The following PCNX1 variants were observed in gnomAD, a reference collection of about 807,000 sequenced individuals.
PCNX1 encodes the protein pecanex-like protein 1.
PCNX1 carries 78 observed loss-of-function variants against 242.2 expected under a neutral mutation model. The observed-to-expected ratio is 0.32, with a 90% CI of 0.27 to 0.39. The LOEUF (loss-of-function observed/expected upper bound fraction) is 0.39. Ranked by LOEUF, PCNX1 falls within the 10% of genes least tolerant of loss-of-function variation. PCNX1 has a pLI of 1.00. For synonymous variants in PCNX1, 1,024 were observed against 1,032.9 expected, an observed-to-expected ratio of 0.99 and a Z score of 0.17; for missense variants, 2,581 against 2,856.5, an observed-to-expected ratio of 0.90 and a Z score of 2.20.
chr14:71,051,051 C>T (rs2061013915), intron 23 of PCNX1, among the ~76,000 whole-genome samples: 1 of 151,550 alleles, frequency 6.6e-6, no homozygotes, highest in South Asian at 2.1e-4. Context: ...GCCTGTAATC[C>T]CAGCTACCCG....
Position 70,911,926 on chromosome 14 carries a change from T to C in PCNX1, c.153+3923T>C, listed in dbSNP as rs10150003. On this transcript the variant is annotated intron_variant, in intron 1 of 35. Transcript: ENST00000304743. The stretch of plus-strand genomic sequence containing the variant: ...TATATTGTTTTCCTCTGTAAAGCAA[T>C]ATATCCCTAGGTGATGAAATAGAAC... Among the ~76,000 whole-genome samples, 1,274 of 152,248 alleles carry C rather than the reference T, an allele frequency of 8.4e-3. 10 individuals are homozygous for C. Among genetic ancestry groups the C allele is most frequent in the African/African-American group, 0.029 (1,200 of 41,534 alleles).
chr14:71,071,771 G>A (rs2061592412), intron 26 of PCNX1, among the ~76,000 whole-genome samples: 1 of 152,126 alleles, frequency 6.6e-6, no homozygotes, highest in Non-Finnish European at 1.5e-5. Flanking sequence ...CTTTTGACAT[G>A]CCTTCCTCAC....
intron 26 of PCNX1, among the ~76,000 whole-genome samples, chr14:71,065,313 A>G (rs139893474): frequency 6.6e-6 from 1 of 152,306 alleles, no homozygotes; most frequent in East Asian, 1.9e-4. Context: ...TCGCCATTGT[A>G]ACTGGCTTGA....
At chr14:71,007,130 A>G (rs12435253) in intron 8 of PCNX1, among the ~76,000 whole-genome samples, 24,105 of 152,050 alleles carry the variant, frequency 0.16, 2,318 homozygotes, top group African/African-American at 0.26. Context: ...AGAATCATTC[A>G]GAGTTGTAAA....
rs1304713246 is a variant in PCNX1, at chr14:70,910,271, A to AT, written c.153+2270dup. Among the ~76,000 whole-genome samples the AT allele has an allele frequency of 2.8e-5, 3 of 106,208 alleles. No homozygotes were observed. The East Asian group carries it at 8.0e-4, about 28-fold the overall frequency. 69.7% of individuals were successfully genotyped at this position (106,208 alleles called of 152,430 possible). ...TCATCACGGCCATCAGGCCATCATC[A>AT]TTCCCTTGGTTCGTCACCATTCTCT... On this transcript the variant is annotated intron_variant, in intron 1 of 35. Coordinates refer to ENST00000304743, the MANE Select transcript of PCNX1 (RefSeq NM_014982.3).
intron 26 of PCNX1, among the ~76,000 whole-genome samples, chr14:71,071,400 C>G (rs1369955305): frequency 1.3e-5 from 2 of 152,096 alleles, no homozygotes; most frequent in Non-Finnish European, 2.9e-5. Flanking sequence ...GGATTTGTGT[C>G]CCTGCCCAAA....
At position 71,101,338 on chromosome 14, in the gene PCNX1, A is replaced by G. The variant is rs10142779; in HGVS notation, c.5590-652A>G. ...TTTGTAATAGGGAGATACATTTCAT[A>G]TCTTCTTTGTTTTATCCATGCTGCC... is the stretch of plus-strand genomic sequence containing the variant. On this transcript the variant is annotated intron_variant, in intron 30 of 35. Transcript: ENST00000304743. Among the ~76,000 whole-genome samples, 802 of 152,328 alleles carry G rather than the reference A, an allele frequency of 5.3e-3. 4 individuals carry two copies. The highest frequency in any genetic ancestry group is 0.019 in the African/African-American group (774 of 41,566).
At chr14:71,082,878 A>G (rs186357124) in intron 28 of PCNX1, among the ~76,000 whole-genome samples, 4 of 152,228 alleles carry the variant, frequency 2.6e-5, no homozygotes, top group Admixed American at 2.6e-4. Context: ...TGTGAATTTG[A>G]TCCTATCATT....
chr14:70,927,394 A>C (rs902937222), intron 1 of PCNX1, among the ~76,000 whole-genome samples: 3 of 152,094 alleles, frequency 2.0e-5, no homozygotes, highest in African/African-American at 7.2e-5. Context: ...GCGTAATTGT[A>C]GTACTTCTGT....
chr14:71,018,035 T>C (rs1463125408), intron 11 of PCNX1, among the ~76,000 whole-genome samples: 1 of 152,174 alleles, frequency 6.6e-6, no homozygotes, highest in Admixed American at 6.5e-5. Flanking sequence ...AAACCATAAT[T>C]CTTCCATGGA....
Position 71,002,410 on chromosome 14 carries a change from GTA to G in PCNX1, c.2629+6488_2629+6489del, listed in dbSNP as rs202114623. On this transcript the variant is annotated intron_variant, in intron 8 of 35. Transcript: ENST00000304743. ...GCACAATAAATGGCATCTGTTAAAT[GTA>G]TACAATTCAAGGAGTTTTAACAGAT... Among the ~76,000 whole-genome samples the G allele has an allele frequency of 5.3e-3, 812 of 152,254 alleles. 3 individuals carry two copies. The highest frequency in any genetic ancestry group is 8.4e-3 in the Non-Finnish European group (569 of 68,008).
At chr14:71,032,585 T>A (rs1342559600) in intron 16 of PCNX1, among the ~76,000 whole-genome samples, 1 of 152,232 alleles carries the variant, frequency 6.6e-6, no homozygotes, top group Non-Finnish European at 1.5e-5. Flanking sequence ...TGTGAAACAA[T>A]TCCCAAGTCT....
Position 71,050,590 on chromosome 14 carries a change from C to A in PCNX1, c.4339-62C>A. The A allele has an allele frequency of 2.1e-6, 3 of 1,460,052 alleles. No individual in the cohort carries two copies. In the South Asian group the frequency reaches 3.9e-5, roughly 19 times the overall value. The allele number at this position is 1,460,052 out of a possible 1,614,324, so 90.4% of individuals were successfully genotyped here. On this transcript the variant is annotated intron_variant, in intron 22 of 35. Transcript: ENST00000304743. ...ATACATTTTACAGGGTTTTTATTTT[C>A]TAATTCAAATATCTGATAAGTTTTT...
intron 1 of PCNX1, among the ~76,000 whole-genome samples, chr14:70,935,386 T>C (rs10136814): frequency 1.6e-3 from 247 of 152,228 alleles, no homozygotes; most frequent in African/African-American, 5.7e-3. Flanking sequence ...GTCCCTACTT[T>C]TAAAAGGAAG....
intron 11 of PCNX1, 76 bp downstream of exon 11, chr14:71,013,278 G>A (rs1459791699): frequency 2.7e-6 from 3 of 1,105,672 alleles, no homozygotes; most frequent in African/African-American, 3.1e-5. Context: ...TACCCACTGA[G>A]GTTTTTACCT....
intron 1 of PCNX1, among the ~76,000 whole-genome samples, chr14:70,909,268 TA>T (rs11372712): frequency 1.5e-3 from 225 of 149,550 alleles, no homozygotes; most frequent in Admixed American, 3.5e-3. Flanking sequence ...TGTTTGAGGT[TA>T]AAAAAAAAAG....
At chr14:70,994,396 G>GATATATATATATGTATATAT (rs2059267360) in intron 7 of PCNX1, among the ~76,000 whole-genome samples, 9 of 96,966 alleles carry the variant, frequency 9.3e-5, no homozygotes, top group Non-Finnish European at 1.7e-4. Context: ...ACAGGCTTAA[G>GATATATATATATGTATATAT]ATATATATAT....
intron 5 of PCNX1, among the ~76,000 whole-genome samples, chr14:70,976,606 C>G (rs760427421): frequency 6.6e-6 from 1 of 152,080 alleles, no homozygotes; most frequent in African/African-American, 2.4e-5. Flanking sequence ...ATCTCCTGAC[C>G]TTGTGATCCA....
intron 8 of PCNX1, among the ~76,000 whole-genome samples, chr14:71,008,655 CAAAAAAAAA>C (rs777494885): frequency 6.1e-5 from 2 of 32,752 alleles, no homozygotes; most frequent in East Asian, 1.7e-3. Flanking sequence ...GACTCTGTCT[CAAAAAAAAA>C]AAAAAAAAAA....
Sources: gnomAD v4.1 joint callset for allele counts (sites outside exome capture counted in the v4.1 genomes callset) on GRCh38, gnomAD v4.1.1 for gene constraint, MANE v1.5 for transcripts, NCBI Gene and HGNC (gene_info 2026-07-23, HGNC 2026-07-21) for gene names.